The following MED13 variants were observed in gnomAD, a reference collection of about 807,000 sequenced individuals.
MED13 encodes mediator complex subunit 13, also known as mediator of RNA polymerase II transcription subunit 13.
A neutral mutation model predicts 225.2 loss-of-function variants in MED13; 23 were observed. The ratio of observed to expected loss-of-function variants is 0.10; its 90% CI spans 0.07 to 0.14. The LOEUF is 0.14. Among genes scored for constraint, MED13 ranks in the 10% least tolerant of loss-of-function variants. The probability of loss-of-function intolerance (pLI) is 1.00; values close to 1 mark genes in which losing one functional copy is unlikely to be tolerated. For synonymous variants in MED13, 942 were observed against 889.2 expected (o/e 1.06, Z -1.06); for missense variants, 2,197 against 2,594.5 (o/e 0.85, Z 3.33).
chr17:62,033,682 T>C, intron 5 of MED13, 105 bp downstream of exon 5: 1 of 1,034,744 alleles, frequency 9.7e-7, no homozygotes, highest in Non-Finnish European at 1.4e-6. Flanking sequence ...AAATCTTTGG[T>C]GTTGAAAGCC....
chr17:62,062,592 CACACACACCACACACA>C lies in MED13; in HGVS notation c.301+459_301+474del, dbSNP rs1219163355. ...ACATGCCTTAAAACACACACACACA[CACACACACCACACACA>C]CACACACACACACACACACGGATAG... On this transcript the variant is annotated intron_variant, in intron 2 of 29. Coordinates refer to ENST00000397786, the MANE Select transcript of MED13 (RefSeq NM_005121.3). Among the ~76,000 whole-genome samples the C allele has an allele frequency of 2.3e-4, 13 of 56,978 alleles. No homozygotes were observed. The South Asian group carries it at 5.1e-3, about 22-fold the overall frequency. The allele number at this position is 56,978 out of a possible 152,430, so 37.4% of individuals were successfully genotyped here.
chr17:61,965,996 G>A (rs1425847221), intron 19 of MED13, among the ~76,000 whole-genome samples: 1 of 151,944 alleles, frequency 6.6e-6, no homozygotes, highest in Non-Finnish European at 1.5e-5. Flanking sequence ...AGTTAGGCAC[G>A]GGTAGAATGA....
intron 11 of MED13, among the ~76,000 whole-genome samples, chr17:61,990,802 G>A (rs1054949417): frequency 2.0e-5 from 3 of 151,994 alleles, no homozygotes; most frequent in African/African-American, 7.3e-5. Context: ...GTTTAAGTCA[G>A]ACATATTCAA....
rs1009093651 is a variant in MED13 at position 61,943,767 on chromosome 17, A to G, written c.*2701T>C. 1 of 152,624 alleles carries G rather than the reference A, an allele frequency of 6.6e-6. No homozygotes were observed. The allele number at this position is 152,624 out of a possible 1,614,324, so 9.5% of individuals were successfully genotyped here. Reference sequence around the variant, plus strand: ...GGCTAGATGTTTCTCACTGGCTGGAAGCAGACATTATATAACTAATCTTTT... The same window carrying G: ...GGCTAGATGTTTCTCACTGGCTGGAGGCAGACATTATATAACTAATCTTTT... On this transcript the variant is annotated 3_prime_UTR_variant, in exon 30 of 30. Transcript: ENST00000397786.
intron 2 of MED13, among the ~76,000 whole-genome samples, chr17:62,062,181 C>G (rs1568009982): frequency 6.6e-6 from 1 of 152,158 alleles, no homozygotes. Flanking sequence ...TGTCAAAAAT[C>G]ATTATCAAAC....
intron 9 of MED13, among the ~76,000 whole-genome samples, chr17:62,003,457 TAGTC>T (rs976330215): frequency 4.0e-5 from 6 of 151,796 alleles, no homozygotes; most frequent in African/African-American, 7.3e-5. Flanking sequence ...TACAAAAAAT[TAGTC>T]AGGCGTGATG....
At position 62,065,149 on chromosome 17, in the gene MED13, G is replaced by A. The variant is rs772836387; in HGVS notation, c.57C>T (p.Leu19=). ...CGGCCCCGGCACTCACCAGGCAGAA[G>A]AGGTTACAGTGACAATCTTCCAGGC... The part of the protein sequence containing the change: ...GASLEDCHCN[L]FCLADLTGIK... The change falls in exon 1 of 30, where the codon CTC becomes CTT. Residue 19 remains leucine (L), a synonymous_variant. Coordinates refer to ENST00000397786, the MANE Select transcript of MED13 (RefSeq NM_005121.3). 74 of 1,577,110 alleles carry A rather than the reference G, an allele frequency of 4.7e-5. No homozygotes were observed. The highest frequency in any genetic ancestry group is 5.2e-5 in the Non-Finnish European group (60 of 1,163,468).
At chr17:61,972,436 T>A (rs930314932) in intron 17 of MED13, among the ~76,000 whole-genome samples, 3 of 149,880 alleles carry the variant, frequency 2.0e-5, no homozygotes, top group Admixed American at 6.7e-5. Context: ...TTTTTGCCTT[T>A]AAAAAAAAAA....
chr17:61,970,586 G>C (rs2080098035), intron 17 of MED13, among the ~76,000 whole-genome samples: 1 of 146,628 alleles, frequency 6.8e-6, no homozygotes, highest in Non-Finnish European at 1.5e-5. Flanking sequence ...TGAGGCTGAT[G>C]CATGAGAACT....
intron 2 of MED13, among the ~76,000 whole-genome samples, chr17:62,057,472 A>G (rs1422773805): frequency 6.6e-6 from 1 of 152,220 alleles, no homozygotes; most frequent in Non-Finnish European, 1.5e-5. Flanking sequence ...AGCCAATTTA[A>G]AGAGTCGGGC....
In MED13 at chr17:62,052,650, A is replaced by G. The variant is rs764521668; in HGVS notation, c.357T>C (p.Leu119=). Residue 119 remains leucine, a synonymous_variant, in exon 3 of 30, where the codon CTT becomes CTC. Transcript: ENST00000397786. The stretch of plus-strand genomic sequence containing the variant: ...CCAATAGATTGTGAACTGCTTTGAA[A>G]AGCAGAGTACGGCATTCATAGGAAA... ...NGLSYECRTL[L]FKAVHNLLER... is the part of the protein sequence containing the mutation. 12 of 1,604,058 alleles carry G rather than the reference A, an allele frequency of 7.5e-6. No individual in the cohort carries two copies. In the South Asian group the frequency reaches 1.2e-4, roughly 17 times the overall value.
chr17:62,011,263 T>C (rs1250998936), intron 8 of MED13, 30 bp from the exon 9 acceptor site: 5 of 1,578,068 alleles, frequency 3.2e-6, no homozygotes, highest in Non-Finnish European at 1.7e-6. Context: ...GTTTCATATT[T>C]ACAGTATCAC....
chr17:62,047,589 C>CAA (rs1568000544), intron 3 of MED13, among the ~76,000 whole-genome samples: 2 of 151,974 alleles, frequency 1.3e-5, no homozygotes, highest in Admixed American at 1.3e-4. Context: ...AGCATAAGGA[C>CAA]AAATACCTAA....
intron 9 of MED13, among the ~76,000 whole-genome samples, chr17:62,009,058 A>T (rs1428411955): frequency 2.6e-5 from 4 of 152,252 alleles, no homozygotes; most frequent in Non-Finnish European, 5.9e-5. Flanking sequence ...TAATTCACTG[A>T]CAATGATCTG....
In MED13 at chr17:61,955,286, G is replaced by T. The variant is rs2079932654; in HGVS notation, c.5968+96C>A. On this transcript the variant is annotated intron_variant, in intron 26 of 29. Coordinates refer to ENST00000397786, the MANE Select transcript of MED13 (RefSeq NM_005121.3). Reference sequence around the variant, plus strand: ...TATCACATCTGCAAAATCATTTTTTGGTAAAACAAGGTAACATTCACACGT... The same window carrying T: ...TATCACATCTGCAAAATCATTTTTTTGTAAAACAAGGTAACATTCACACGT... The T allele has an allele frequency of 3.9e-6, 4 of 1,029,264 alleles. No individual in the cohort carries two copies. In the South Asian group the frequency reaches 6.8e-5, roughly 17 times the overall value. The allele number at this position is 1,029,264 out of a possible 1,614,324, so 63.8% of individuals were successfully genotyped here. A position where few individuals can be genotyped will look rare whatever the true frequency, so the allele number is the denominator to read the frequency against.
intron 22 of MED13, 131 bp downstream of exon 22, chr17:61,961,457 T>C (rs2079998783): frequency 1.3e-6 from 1 of 784,664 alleles, no homozygotes; most frequent in African/African-American, 1.8e-5. Flanking sequence ...GAGGCAGAGG[T>C]TGTGGTGAGC....
chr17:61,975,741 C>T (rs1240533114), intron 16 of MED13, among the ~76,000 whole-genome samples: 1 of 151,908 alleles, frequency 6.6e-6, no homozygotes, highest in Admixed American at 6.6e-5. Flanking sequence ...AAAGGCCAAG[C>T]GCAATGGCTC....
intron 5 of MED13, among the ~76,000 whole-genome samples, chr17:62,032,877 C>T (rs1001532023): frequency 4.6e-5 from 7 of 152,062 alleles, no homozygotes; most frequent in African/African-American, 1.4e-4. Flanking sequence ...AGGCTGGGCA[C>T]GGTGGCTCAC....
intron 16 of MED13, among the ~76,000 whole-genome samples, chr17:61,978,685 T>C (rs748682460): frequency 1.3e-5 from 2 of 152,160 alleles, no homozygotes; most frequent in East Asian, 3.9e-4. Flanking sequence ...TAGTATATAG[T>C]GCTAGAGTCA....
Sources: gnomAD v4.1 joint callset for allele counts (sites outside exome capture counted in the v4.1 genomes callset) on GRCh38, gnomAD v4.1.1 for gene constraint, MANE v1.5 for transcripts, NCBI Gene and HGNC (gene_info 2026-07-23, HGNC 2026-07-21) for gene names.